Variants in LRRC45 observed in about 807,000 individuals in gnomAD.
LRRC45 encodes leucine rich repeat containing 45, also known as leucine-rich repeat-containing protein 45.
LRRC45 carries 73 observed loss-of-function variants against 85.4 expected under a neutral mutation model. The observed-to-expected ratio is 0.85, with a 90% confidence interval of 0.71 to 1.04. The LOEUF is 1.04. Ranked by LOEUF, LRRC45 falls within the 50% of genes least tolerant of loss-of-function variation. The pLI, the probability that LRRC45 is intolerant of heterozygous loss-of-function variation, is 0.00. For synonymous variants in LRRC45, 429 were observed against 386.0 expected, an observed-to-expected ratio of 1.11 and a Z score of -1.31; for missense variants, 937 against 883.3, an observed-to-expected ratio of 1.06 and a Z score of -0.77.
chr17:82,028,283 A>G lies in LRRC45; in HGVS notation c.1097A>G (p.Asn366Ser), dbSNP rs577629174. 30 of 1,586,596 alleles carry G rather than the reference A, an allele frequency of 1.9e-5. No individual in the cohort carries two copies. The highest frequency in any genetic ancestry group is 6.7e-5 in the African/African-American group (5 of 74,688). ...CTCCTCAGAGACTTGTCTGCTGCCA[A>G]TGAAAAGAACCTGCTTCTGCAAAAC... ...SKLLRDLSAA[N>S]EKNLLLQNQV... Residue 366 changes from asparagine (N) to serine (S), a missense_variant, in exon 10 of 17, where the codon AAT becomes AGT. By Grantham distance (46) the Asn-to-Ser change is conservative. Transcript: ENST00000306688.
rs1249693387 is a variant in LRRC45, at chr17:82,030,655, G to C, written c.1863G>C (p.Glu621Asp). Reference sequence around the variant, plus strand: ...AGGCGCTGCTGGACAGGGAGAGCGAGAACGCGTCTCTCCGGGAGAAGCTGC... The same window carrying C: ...AGGCGCTGCTGGACAGGGAGAGCGACAACGCGTCTCTCCGGGAGAAGCTGC... ...HREALLDRES[E>D]NASLREKLRL... Residue 621 changes from glutamate (E) to aspartate (D), a missense_variant, in exon 17 of 17, where the codon GAG becomes GAC. By Grantham distance (45) the Glu-to-Asp change is conservative (BLOSUM62 2). Coordinates refer to ENST00000306688, the MANE Select transcript of LRRC45 (RefSeq NM_144999.4). The C allele has an allele frequency of 7.0e-7, 1 of 1,434,042 alleles. No individual in the cohort carries two copies. The highest frequency in any genetic ancestry group is 2.3e-5 in the Admixed American group (1 of 43,806). 88.8% of individuals were successfully genotyped at this position (1,434,042 alleles called of 1,614,324 possible).
chr17:82,027,304 C>T (rs925067028), intron 6 of LRRC45, 82 bp from the exon 7 acceptor site: 19 of 1,535,184 alleles, frequency 1.2e-5, no homozygotes, highest in South Asian at 3.4e-5. Flanking sequence ...CATTGGTGGG[C>T]GCTGGCTCTC....
intron 7 of LRRC45, 96 bp downstream of exon 7, chr17:82,027,540 C>A: frequency 6.4e-7 from 1 of 1,568,056 alleles, no homozygotes; most frequent in Non-Finnish European, 8.8e-7. Flanking sequence ...AGTGAGGCCA[C>A]GAGGAGGTCG....
rs144629325 is a variant in LRRC45 at position 82,029,996 on chromosome 17, G to A, written c.1495-69G>A. 4.2e-4 allele frequency: 606 copies of A among 1,455,280 alleles called. 1 individual carries two copies. Among genetic ancestry groups the A allele is most frequent in the African/African-American group, 1.0e-3 (71 of 70,752 alleles). The allele number at this position is 1,455,280 out of a possible 1,614,324, so 90.1% of individuals were successfully genotyped here. On this transcript the variant is annotated intron_variant, in intron 14 of 16. Coordinates refer to ENST00000306688, the MANE Select transcript of LRRC45 (RefSeq NM_144999.4). Reference sequence around the variant, plus strand: ...CCTGCAGAGAGGTGGGGTCGTGCCCGTGCAGACATTCCCTCAGCTGAGCTC... The same window carrying A: ...CCTGCAGAGAGGTGGGGTCGTGCCCATGCAGACATTCCCTCAGCTGAGCTC...
At position 82,029,619 on chromosome 17, in the gene LRRC45, A is replaced by C. The variant is rs1283935644; in HGVS notation, c.1478A>C (p.Gln493Pro). 6.4e-7 allele frequency: 1 copy of C among 1,573,318 alleles called. No homozygotes were observed. Among genetic ancestry groups the C allele is most frequent in the Non-Finnish European group, 8.6e-7 (1 of 1,161,076 alleles). The change falls in exon 14 of 17, where the codon CAG becomes CCG. Residue 493 changes from glutamine to proline, a missense_variant. Gln to Pro is a moderately conservative substitution (Grantham distance 76). Coordinates refer to ENST00000306688, the MANE Select transcript of LRRC45 (RefSeq NM_144999.4). Reference protein sequence around the residue: ...AEEELIKAKSQARLEEQQRLA... With the variant: ...AEEELIKAKSPARLEEQQRLA... ...GAGGAGCTGATCAAGGCCAAGAGCC[A>C]GGCCCGCCTGGAGGAGGTGAGCCAC...
At position 82,030,664 on chromosome 17, in the gene LRRC45, T is replaced by TCTCCGGGAGAAGCTGCGG; in HGVS notation, c.1882_1899dup (p.Lys628_Glu633dup). 1.4e-6 allele frequency: 2 copies of TCTCCGGGAGAAGCTGCGG among 1,442,344 alleles called. No homozygotes were observed. The highest frequency in any genetic ancestry group is 1.8e-6 in the Non-Finnish European group (2 of 1,088,320). 89.3% of individuals were successfully genotyped at this position (1,442,344 alleles called of 1,614,324 possible). A position where few individuals can be genotyped will look rare whatever the true frequency, so the allele number is the denominator to read the frequency against. On this transcript the variant is annotated inframe_insertion, in exon 17 of 17. Coordinates refer to ENST00000306688, the MANE Select transcript of LRRC45 (RefSeq NM_144999.4). ...TGGACAGGGAGAGCGAGAACGCGTC[T>TCTCCGGGAGAAGCTGCGG]CTCCGGGAGAAGCTGCGGCTCCGGG... is the stretch of plus-strand genomic sequence containing the variant.
chr17:82,030,711 G>T lies in LRRC45; in HGVS notation c.1919G>T (p.Arg640Leu). 1.3e-6 allele frequency: 2 copies of T among 1,497,108 alleles called. No homozygotes were observed. Among genetic ancestry groups the T allele is most frequent in the Middle Eastern group, 1.8e-4 (1 of 5,628 alleles). 92.7% of individuals were successfully genotyped at this position (1,497,108 alleles called of 1,614,324 possible). ...RLREAEIARIRDEEAQRASFL... is the reference protein window; with the variant it reads ...RLREAEIARILDEEAQRASFL... ...CGGGAGGCGGAGATCGCCCGCATCCGGGACGAGGAGGCCCAGAGGGCGAGC... is the reference window on the plus strand; with the variant it reads ...CGGGAGGCGGAGATCGCCCGCATCCTGGACGAGGAGGCCCAGAGGGCGAGC... The change falls in exon 17 of 17, where the codon CGG (arginine) becomes CTG (leucine). Residue 640 changes from arginine (R) to leucine (L), a missense_variant. By Grantham distance (102) the Arg-to-Leu change is moderately radical (BLOSUM62 -2). Coordinates refer to ENST00000306688, the MANE Select transcript of LRRC45 (RefSeq NM_144999.4).
chr17:82,028,702 T>C lies in LRRC45; in HGVS notation c.1308+19T>C. 6.2e-7 allele frequency: 1 copy of C among 1,603,556 alleles called. No individual in the cohort carries two copies. Among genetic ancestry groups the C allele is most frequent in the South Asian group, 1.1e-5 (1 of 89,588 alleles). ...CAAGGAGGTGCCCTCTTCGTTGGCC[T>C]CTAATGCGCCTCAGTCTCTGGTCTT... On this transcript the variant is annotated intron_variant, in intron 12 of 16. Coordinates refer to ENST00000306688, the MANE Select transcript of LRRC45 (RefSeq NM_144999.4).
chr17:82,029,545 G>A lies in LRRC45; in HGVS notation c.1404G>A (p.Glu468=), dbSNP rs911341052. The stretch of plus-strand genomic sequence containing the variant: ...CTGGCAGGTGGCCATCTGTGCAGGA[G>A]CTGAGCCGAGTGAAAGCAGCGGCAC... ...LEAARLSLEE[E]LSRVKAAALS... Residue 468 remains glutamate (E), a splice_region_variant and synonymous_variant, in exon 14 of 17, where the codon GAG becomes GAA. Coordinates refer to ENST00000306688, the MANE Select transcript of LRRC45 (RefSeq NM_144999.4). The A allele has an allele frequency of 1.3e-6, 2 of 1,567,486 alleles. No individual in the cohort carries two copies. Among genetic ancestry groups the A allele is most frequent in the East Asian group, 2.4e-5 (1 of 41,814 alleles).
Position 82,023,546 on chromosome 17 carries a change from C to A in LRRC45, c.-98C>A, listed in dbSNP as rs897934746. ...TCTCCGCCCGGGTCGGCGGAGGCCC[C>A]GTCTCCTGTACCCGGCGCTGGGACT... On this transcript the variant is annotated 5_prime_UTR_variant, in exon 1 of 17. Transcript: ENST00000306688. The A allele has an allele frequency of 5.3e-6, 6 of 1,141,446 alleles. No individual in the cohort carries two copies. Among genetic ancestry groups the A allele is most frequent in the East Asian group, 5.5e-5 (2 of 36,332 alleles). The allele number at this position is 1,141,446 out of a possible 1,614,324, so 70.7% of individuals were successfully genotyped here.
At chr17:82,027,645 ACT>A in intron 7 of LRRC45, 27 bp from the exon 8 acceptor site, 2 of 1,602,842 alleles carry the variant, frequency 1.2e-6, no homozygotes, top group South Asian at 1.1e-5. Flanking sequence ...GGTTTGGGTT[ACT>A]CTCTGCACCC....
chr17:82,027,194 G>A (rs2144143957), intron 6 of LRRC45, among the ~76,000 whole-genome samples, 183 bp downstream of exon 6: 1 of 152,326 alleles, frequency 6.6e-6, no homozygotes. Flanking sequence ...GGACTTCCTT[G>A]GGGAGCTGGC....
rs2043393738 is a variant in LRRC45, at chr17:82,029,131, G to A, written c.1347G>A (p.Lys449=). 1 of 1,612,706 alleles carries A rather than the reference G, an allele frequency of 6.2e-7. No individual in the cohort carries two copies. Among genetic ancestry groups the A allele is most frequent in the Non-Finnish European group, 8.5e-7 (1 of 1,179,930 alleles). ...CCCGTCACCTGGAGGAGAGTGAGAA[G>A]GCCATGCAGGAGCGGGTGCAGAGGC... ...HMTRHLEESE[K]AMQERVQRLE... The change falls in exon 13 of 17, where the codon AAG becomes AAA. Residue 449 remains lysine (K), a synonymous_variant. Transcript: ENST00000306688.
In LRRC45 at chr17:82,024,790, C is replaced by G. The variant is rs776615262; in HGVS notation, c.353+27C>G. The G allele has an allele frequency of 2.2e-5, 35 of 1,563,926 alleles. 1 individual carries two copies. The South Asian group carries it at 4.2e-4, about 19-fold the overall frequency. On this transcript the variant is annotated intron_variant, in intron 3 of 16. Transcript: ENST00000306688. ...TGGGTGGTGGTCCCGACCCCAGGCC[C>G]TGTCTCTGTGTGGTTGAGGATTGGC...
At chr17:82,025,763 C>T (rs530915050) in intron 5 of LRRC45, among the ~76,000 whole-genome samples, 1 of 152,340 alleles carries the variant, frequency 6.6e-6, no homozygotes, top group East Asian at 1.9e-4. Flanking sequence ...GCCCGTTTCA[C>T]AGCTGGGGAA....
intron 5 of LRRC45, among the ~76,000 whole-genome samples, chr17:82,026,090 C>T (rs112686219): frequency 4.6e-5 from 7 of 152,338 alleles, no homozygotes; most frequent in Admixed American, 1.3e-4. Flanking sequence ...GCTGAGGGCT[C>T]ATCCCTCCTG....
chr17:82,029,005 CA>C, intron 12 of LRRC45, 87 bp from the exon 13 acceptor site: 1 of 1,219,272 alleles, frequency 8.2e-7, no homozygotes, highest in Non-Finnish European at 1.2e-6. Flanking sequence ...TCTCAAGAGA[CA>C]CCTGCCTTTC....
In LRRC45 at chr17:82,028,498, C is replaced by T. The variant is rs370876125; in HGVS notation, c.1227C>T (p.Ile409=). Residue 409 remains isoleucine (I), a synonymous_variant, in exon 11 of 17, where the codon ATC becomes ATT. Transcript: ENST00000306688. ...CAGCTGAGCTGAAGATGCGGGCCATCCAGGCCGAGGGTGGGCACGGGCAGG... is the reference window on the plus strand; with the variant it reads ...CAGCTGAGCTGAAGATGCGGGCCATTCAGGCCGAGGGTGGGCACGGGCAGG... ...SMSAELKMRA[I]QAEERLDMEK... 1.9e-6 allele frequency: 3 copies of T among 1,612,330 alleles called. No homozygotes were observed. The South Asian group carries it at 3.3e-5, about 18-fold the overall frequency.
At chr17:82,026,614 C>A (rs1027669236) in intron 5 of LRRC45, among the ~76,000 whole-genome samples, 3 of 136,656 alleles carry the variant, frequency 2.2e-5, no homozygotes, top group Non-Finnish European at 4.8e-5. Flanking sequence ...GAGTTTCACT[C>A]AGTCACCCAG....
Sources: allele counts gnomAD v4.1 joint callset (sites outside exome capture counted in the v4.1 genomes callset), GRCh38; gene constraint gnomAD v4.1.1; transcripts MANE v1.5; gene names NCBI Gene and HGNC (gene_info 2026-07-23, HGNC 2026-07-21).